The following PTPRN2 variants were observed in gnomAD, a reference collection of about 807,000 sequenced individuals.
PTPRN2 encodes the protein protein tyrosine phosphatase receptor type N2.
Under a neutral mutation model 118.8 loss-of-function variants are expected in PTPRN2, and 74 were observed. That is an observed-to-expected ratio of 0.62 (90% confidence interval 0.52 to 0.76). The LOEUF (loss-of-function observed/expected upper bound fraction) is 0.76, where lower values mean the gene tolerates loss of function less well. Ranked by LOEUF, PTPRN2 falls within the 30% of genes least tolerant of loss-of-function variation. The pLI, the probability that PTPRN2 is intolerant of heterozygous loss-of-function variation, is 0.00. For synonymous variants in PTPRN2, 641 were observed against 608.0 expected (o/e 1.05, Z -0.80); for missense variants, 1,481 against 1,394.4 (o/e 1.06, Z -0.99).
chr7:158,512,637 C>T (rs1204413228), intron 1 of PTPRN2, among the ~76,000 whole-genome samples: 1 of 152,166 alleles, frequency 6.6e-6, no homozygotes, highest in African/African-American at 2.4e-5. Context: ...CAGTAATGAG[C>T]ACACACCACG....
rs1178640819 is a variant in PTPRN2, at chr7:157,627,255, C to T, written c.2197-5746G>A. Among the ~76,000 whole-genome samples, 2 of 152,208 alleles carry T rather than the reference C, an allele frequency of 1.3e-5. No homozygotes were observed. Among genetic ancestry groups the T allele is most frequent in the Non-Finnish European group, 2.9e-5 (2 of 68,030 alleles). On this transcript the variant is annotated intron_variant, in intron 14 of 22. Transcript: ENST00000389418. This position sits in a 1 kb window ranked among gnomAD's most constrained non-coding sequence, Gnocchi z 4.2. ...ACACCGTGTCCCACTTCACACAGCTCCTTGCTCTGGGCTCTCCGTCAGTGC... is the reference window on the plus strand; with the variant it reads ...ACACCGTGTCCCACTTCACACAGCTTCTTGCTCTGGGCTCTCCGTCAGTGC...
At chr7:157,863,358 G>A (rs1483799563) in intron 12 of PTPRN2, 1 of 152,212 alleles carries the variant, frequency 6.6e-6, no homozygotes, top group East Asian at 1.9e-4. Flanking sequence ...GTGCAGAGTG[G>A]AGACGAGGTC....
intron 4 of PTPRN2, among the ~76,000 whole-genome samples, chr7:158,203,239 AAAAAAAAAAAAAGAAGAGG>A (rs1422422633): frequency 1.3e-5 from 2 of 150,680 alleles, no homozygotes; most frequent in Non-Finnish European, 3.0e-5. Context: ...AAAAAAAAAA[AAAAAAAAAAAAAGAAGAGG>A]AAAGAAAGAG....
intron 16 of PTPRN2, among the ~76,000 whole-genome samples, chr7:157,601,268 C>T (rs559442489): frequency 5.9e-5 from 9 of 152,296 alleles, no homozygotes; most frequent in African/African-American, 2.2e-4. Context: ...GGACTAAGTA[C>T]AAATATGACA....
intron 2 of PTPRN2, among the ~76,000 whole-genome samples, chr7:158,456,206 G>A (rs1269159487): frequency 6.0e-5 from 9 of 150,978 alleles, no homozygotes; most frequent in East Asian, 2.0e-4. Flanking sequence ...TGGCACGGAC[G>A]CCATTGGCAA....
At chr7:158,482,313 C>T (rs533345930) in intron 2 of PTPRN2, among the ~76,000 whole-genome samples, 2 of 152,220 alleles carry the variant, frequency 1.3e-5, no homozygotes, top group Non-Finnish European at 2.9e-5. Context: ...TACCAAACAG[C>T]ATTGCGTTCT....
intron 10 of PTPRN2, among the ~76,000 whole-genome samples, chr7:158,092,399 T>C (rs1814268481): frequency 6.6e-6 from 1 of 151,136 alleles, no homozygotes; most frequent in South Asian, 2.1e-4. Flanking sequence ...AGTGGATAGA[T>C]ATATGGGTGG....
At position 158,407,158 on chromosome 7, in the gene PTPRN2, GGTCCTGGGTCCTGC is replaced by G. The variant is rs1315497589; in HGVS notation, c.163+82563_163+82576del. 1.3e-3 allele frequency among the ~76,000 whole-genome samples: 140 copies of G among 109,994 alleles called. 3 individuals are homozygous for G. The highest frequency in any genetic ancestry group is 3.9e-3 in the African/African-American group (124 of 31,654). 72.2% of individuals were successfully genotyped at this position (109,994 alleles called of 152,430 possible). A position where few individuals can be genotyped will look rare whatever the true frequency, so the allele number is the denominator to read the frequency against. ...CCTGCGTCCTGCGTCCTGGGTCCTG[GGTCCTGGGTCCTGC>G]GTCCTGCGTCCTGGGTCCTGGGTCC... On this transcript the variant is annotated intron_variant, in intron 2 of 22. Coordinates refer to ENST00000389418, the MANE Select transcript of PTPRN2 (RefSeq NM_002847.5).
chr7:157,817,603 G>A (rs1806495068), intron 12 of PTPRN2, among the ~76,000 whole-genome samples: 1 of 152,358 alleles, frequency 6.6e-6, no homozygotes, highest in Middle Eastern at 3.4e-3. Context: ...ATGCATCTGA[G>A]AGGACCTGTC....
At chr7:158,582,482 G>A (rs1828677812) in intron 1 of PTPRN2, among the ~76,000 whole-genome samples, 1 of 151,860 alleles carries the variant, frequency 6.6e-6, no homozygotes, top group South Asian at 2.1e-4. Flanking sequence ...ACTTTGAGAG[G>A]CCAAGGCAGG....
chr7:157,603,465 G>C lies in PTPRN2; in HGVS notation c.2418+537C>G, dbSNP rs557002712. ...CGTCCCCAGAAACACAGGACAGCCC[G>C]ATCTCCACTGCACCTGCGTCTATCC... On this transcript the variant is annotated intron_variant, in intron 16 of 22. Transcript: ENST00000389418. The surrounding 1 kb of genome is among the most constrained non-coding windows in gnomAD (Gnocchi z 5.4). 1.3e-5 allele frequency among the ~76,000 whole-genome samples: 2 copies of C among 152,312 alleles called. No individual in the cohort carries two copies. The highest frequency in any genetic ancestry group is 4.8e-5 in the African/African-American group (2 of 41,568).
rs1802291365 is a variant in PTPRN2 at position 157,763,848 on chromosome 7, G to A, written c.1789-80911C>T. 3.9e-5 allele frequency among the ~76,000 whole-genome samples: 6 copies of A among 152,156 alleles called. 1 individual carries two copies. The East Asian group carries it at 9.7e-4, about 25-fold the overall frequency. On this transcript the variant is annotated intron_variant, in intron 12 of 22. Transcript: ENST00000389418. This position sits in a 1 kb window ranked among gnomAD's most constrained non-coding sequence, Gnocchi z 4.9. ...CTGCTGTGTGGCCACTGCCCCATGT[G>A]GCTGCCCCATCCCCCAGAGCACCAC...
chr7:157,848,375 C>A (rs1393895330), intron 12 of PTPRN2, among the ~76,000 whole-genome samples: 3 of 151,532 alleles, frequency 2.0e-5, no homozygotes, highest in Non-Finnish European at 2.9e-5. Context: ...ACAGAGCCCT[C>A]TTTCATTACA....
chr7:157,745,972 C>A (rs765050177), intron 12 of PTPRN2, among the ~76,000 whole-genome samples: 33 of 143,718 alleles, frequency 2.3e-4, no homozygotes, highest in Non-Finnish European at 3.8e-4. Flanking sequence ...CTCCCCTGCA[C>A]CCCACAGTCC....
intron 12 of PTPRN2, among the ~76,000 whole-genome samples, chr7:157,766,184 AATCCATCC>A (rs775536701): frequency 7.7e-5 from 9 of 116,162 alleles, no homozygotes; most frequent in East Asian, 2.6e-4. Flanking sequence ...TCTGTCCACC[AATCCATCC>A]ATCCATCCAT....
intron 12 of PTPRN2, among the ~76,000 whole-genome samples, chr7:157,791,711 GTTTGAGAGAGGAC>G (rs974009500): frequency 5.9e-5 from 9 of 152,314 alleles, no homozygotes; most frequent in African/African-American, 1.4e-4. Context: ...AACAAAAAAA[GTTTGAGAGAGGAC>G]TTTGAACATC....
rs1205322686 is a variant in PTPRN2 at position 158,064,499 on chromosome 7, G to A, written c.1723+16799C>T. Among the ~76,000 whole-genome samples, 4 of 152,158 alleles carry A rather than the reference G, an allele frequency of 2.6e-5. No homozygotes were observed. The East Asian group carries it at 5.8e-4, about 22-fold the overall frequency. On this transcript the variant is annotated intron_variant, in intron 11 of 22. Coordinates refer to ENST00000389418, the MANE Select transcript of PTPRN2 (RefSeq NM_002847.5). ...GAGCCCAGCGCTGTGAGGTTGCTTG[G>A]ACACACTGGTCACGCCGGACACTGC...
intron 21 of PTPRN2, among the ~76,000 whole-genome samples, chr7:157,555,306 A>C (rs990017809): frequency 2.0e-5 from 3 of 152,274 alleles, no homozygotes; most frequent in African/African-American, 7.2e-5. Context: ...AATGTTAACC[A>C]TTAAACAAAA....
At position 157,540,070 on chromosome 7, in the gene PTPRN2, T is replaced by A. The variant is rs1797944360; in HGVS notation, c.*644A>T. Reference sequence around the variant, plus strand: ...GCACTACTCATGGGGTGCACAGGTGTCTGCCCCCGGGGAGCCCCTGAATCA... The same window carrying A: ...GCACTACTCATGGGGTGCACAGGTGACTGCCCCCGGGGAGCCCCTGAATCA... On this transcript the variant is annotated 3_prime_UTR_variant, in exon 23 of 23. Coordinates refer to ENST00000389418, the MANE Select transcript of PTPRN2 (RefSeq NM_002847.5). 1 of 152,270 alleles carries A rather than the reference T, an allele frequency of 6.6e-6. No homozygotes were observed. Among genetic ancestry groups the A allele is most frequent in the Admixed American group, 6.5e-5 (1 of 15,286 alleles). 9.4% of individuals were successfully genotyped at this position (152,270 alleles called of 1,614,324 possible). A position where few individuals can be genotyped will look rare whatever the true frequency, so the allele number is the denominator to read the frequency against.
Sources: allele counts gnomAD v4.1 joint callset (sites outside exome capture counted in the v4.1 genomes callset), GRCh38; gene constraint gnomAD v4.1.1; non-coding constraint Gnocchi (gnomAD v3.1); transcripts MANE v1.5; gene names NCBI Gene and HGNC (gene_info 2026-07-23, HGNC 2026-07-21).